Variants in ST18 observed in about 807,000 individuals in gnomAD.
ST18 encodes the protein suppression of tumorigenicity 18 protein.
Under a neutral mutation model 110.0 loss-of-function variants are expected in ST18, and 50 were observed. The observed-to-expected ratio is 0.45, with a 90% CI of 0.36 to 0.58. The LOEUF is 0.58. Among genes scored for constraint, ST18 ranks in the 20% least tolerant of loss-of-function variants. The probability of loss-of-function intolerance (pLI) is 0.00; values close to 1 mark genes in which losing one functional copy is unlikely to be tolerated. For missense variants in ST18, 1,306 were observed against 1,280.1 expected, an observed-to-expected ratio of 1.02 and a Z score of -0.31; for synonymous variants, 461 against 452.4, an observed-to-expected ratio of 1.02 and a Z score of -0.24.
At chr8:52,171,012 G>A (rs1327866590) in intron 10 of ST18, among the ~76,000 whole-genome samples, 1 of 152,034 alleles carries the variant, frequency 6.6e-6, no homozygotes, top group African/African-American at 2.4e-5. Flanking sequence ...GAGATACCAA[G>A]AATCACCTGG....
intron 8 of ST18, among the ~76,000 whole-genome samples, chr8:52,193,341 T>G (rs944098983): frequency 6.6e-6 from 1 of 152,182 alleles, no homozygotes; most frequent in Non-Finnish European, 1.5e-5. Context: ...GGGGAGCTGA[T>G]GGGCGTTAGC....
At chr8:52,119,127 A>C (rs2043670613) in intron 23 of ST18, among the ~76,000 whole-genome samples, 1 of 152,156 alleles carries the variant, frequency 6.6e-6, no homozygotes, top group African/African-American at 2.4e-5. Flanking sequence ...AACTTGGGCA[A>C]CTTACTTATC....
At chr8:52,401,332 A>T (rs1316400941) in intron 2 of ST18, among the ~76,000 whole-genome samples, 2 of 152,048 alleles carry the variant, frequency 1.3e-5, no homozygotes, top group Non-Finnish European at 2.9e-5. Flanking sequence ...CTGTTTGGAG[A>T]TCATTAAGCT....
intron 8 of ST18, among the ~76,000 whole-genome samples, chr8:52,205,913 G>A (rs549871465): frequency 2.6e-5 from 4 of 152,272 alleles, no homozygotes; most frequent in Admixed American, 2.0e-4. Flanking sequence ...TGAAGATGTG[G>A]TAGGGTTTGT....
intron 2 of ST18, among the ~76,000 whole-genome samples, chr8:52,348,268 G>T (rs1201857004): frequency 6.6e-6 from 1 of 152,156 alleles, no homozygotes; most frequent in Admixed American, 6.5e-5. Context: ...CAAGGCAAGT[G>T]GATGCCTCAG....
chr8:52,189,503 C>G (rs1013418288), intron 8 of ST18, among the ~76,000 whole-genome samples: 2 of 152,124 alleles, frequency 1.3e-5, no homozygotes, highest in African/African-American at 4.8e-5. Flanking sequence ...CAATGAAAAT[C>G]GATGATTCTT....
At chr8:52,208,668 T>C (rs1405292794) in intron 8 of ST18, among the ~76,000 whole-genome samples, 1 of 152,028 alleles carries the variant, frequency 6.6e-6, no homozygotes, top group Admixed American at 6.5e-5. Context: ...CTACTAAAAA[T>C]ACAAAAAATT....
At chr8:52,250,064 T>A (rs2094167570) in intron 2 of ST18, among the ~76,000 whole-genome samples, 1 of 151,488 alleles carries the variant, frequency 6.6e-6, no homozygotes, top group African/African-American at 2.4e-5. Context: ...TTTTAACTCC[T>A]ATGAAAAATG....
chr8:52,309,893 G>A (rs1378039532), intron 2 of ST18, among the ~76,000 whole-genome samples: 1 of 152,034 alleles, frequency 6.6e-6, no homozygotes, highest in Non-Finnish European at 1.5e-5. Context: ...AGAAACAGAA[G>A]CATTTAATAC....
In ST18 at chr8:52,406,164, A is replaced by G. The variant is rs1844416765; in HGVS notation, c.-465+3164T>C. The G allele has an allele frequency of 1.3e-5, 2 of 152,248 alleles. 1 individual carries two copies. The highest frequency in any genetic ancestry group is 4.1e-4 in the South Asian group (2 of 4,838). The allele number at this position is 152,248 out of a possible 1,614,324, so 9.4% of individuals were successfully genotyped here. On this transcript the variant is annotated intron_variant, in intron 2 of 25. Transcript: ENST00000689386. ...CTGCACTGTCTGCCTAGATGAGGTG[A>G]AATCTTTTCTTTTAAACGCAACACA...
intron 2 of ST18, among the ~76,000 whole-genome samples, chr8:52,386,407 T>G (rs1463667382): frequency 6.6e-6 from 1 of 152,060 alleles, no homozygotes; most frequent in Non-Finnish European, 1.5e-5. Context: ...CTATGTTTTT[T>G]CTACTTTCTA....
At chr8:52,223,043 AG>A (rs1230628709) in intron 3 of ST18, among the ~76,000 whole-genome samples, 17 of 152,212 alleles carry the variant, frequency 1.1e-4, no homozygotes, top group African/African-American at 3.9e-4. Context: ...CCAATTCTAA[AG>A]TGTGCTCTCT....
intron 2 of ST18, among the ~76,000 whole-genome samples, chr8:52,297,484 A>C (rs1203547870): frequency 1.3e-5 from 2 of 152,228 alleles, no homozygotes; most frequent in South Asian, 4.1e-4. Flanking sequence ...GACAAATTAA[A>C]AAATAAAAAT....
At chr8:52,322,948 C>T (rs1367467248) in intron 2 of ST18, among the ~76,000 whole-genome samples, 1 of 152,208 alleles carries the variant, frequency 6.6e-6, no homozygotes, top group African/African-American at 2.4e-5. Context: ...AACTTGCTAT[C>T]CCTCCTCCAT....
intron 3 of ST18, among the ~76,000 whole-genome samples, chr8:52,227,392 G>T (rs1386042985): frequency 6.6e-6 from 1 of 152,034 alleles, no homozygotes; most frequent in African/African-American, 2.4e-5. Flanking sequence ...GGAGGCAAAA[G>T]GAACAATGGG....
intron 2 of ST18, among the ~76,000 whole-genome samples, chr8:52,312,991 C>T (rs145232891): frequency 1.1e-4 from 17 of 152,132 alleles, no homozygotes; most frequent in African/African-American, 3.9e-4. Context: ...ATCTATGTGT[C>T]CTAAACAGCC....
intron 2 of ST18, among the ~76,000 whole-genome samples, chr8:52,359,128 A>C (rs1367714909): frequency 6.6e-6 from 1 of 152,162 alleles, no homozygotes; most frequent in South Asian, 2.1e-4. Context: ...GAGAAAAAAA[A>C]ACACATGATA....
intron 8 of ST18, among the ~76,000 whole-genome samples, chr8:52,210,952 G>A (rs1416173835): frequency 6.6e-6 from 1 of 152,158 alleles, no homozygotes; most frequent in African/African-American, 2.4e-5. Flanking sequence ...CAAAGTTCAA[G>A]TGTATTAGAC....
chr8:52,148,881 C>T (rs2058088052), intron 16 of ST18, among the ~76,000 whole-genome samples: 1 of 152,216 alleles, frequency 6.6e-6, no homozygotes, highest in Non-Finnish European at 1.5e-5. Context: ...GTAAAAGGCG[C>T]TGCACACTTC....
Sources: allele counts gnomAD v4.1 joint callset (sites outside exome capture counted in the v4.1 genomes callset), GRCh38; gene constraint gnomAD v4.1.1; transcripts MANE v1.5; gene names NCBI Gene and HGNC (gene_info 2026-07-23, HGNC 2026-07-21).